Variants in PCDHGC5 observed in about 807,000 individuals in gnomAD.
PCDHGC5 encodes protocadherin gamma subfamily C, 5, also known as protocadherin gamma-C5.
A neutral mutation model predicts 59.0 loss-of-function variants in PCDHGC5; 25 were observed. The observed-to-expected ratio is 0.42, with a 90% CI of 0.31 to 0.59. The LOEUF (loss-of-function observed/expected upper bound fraction) is 0.59. Ranked by LOEUF, PCDHGC5 falls within the 20% of genes least tolerant of loss-of-function variation. The pLI is 0.13. For synonymous variants in PCDHGC5, 434 were observed against 505.5 expected, an observed-to-expected ratio of 0.86 and a Z score of 1.90; for missense variants, 1,067 against 1,206.4, an observed-to-expected ratio of 0.88 and a Z score of 1.71.
chr5:141,505,322 G>A, intron 2 of PCDHGC5, 71 bp from the exon 3 acceptor site: 1 of 1,606,332 alleles, frequency 6.2e-7, no homozygotes, highest in African/African-American at 1.3e-5. Context: ...TGGGAGCCCT[G>A]GGAGAGGACA....
intron 1 of PCDHGC5, 78 bp from the exon 2 acceptor site, chr5:141,494,729 C>CG: frequency 6.2e-7 from 1 of 1,610,168 alleles, no homozygotes; most frequent in South Asian, 1.1e-5. Context: ...CCTTCTCTCC[C>CG]GGCCCATCCC....
chr5:141,497,191 A>G (rs2099774633), intron 2 of PCDHGC5, among the ~76,000 whole-genome samples: 1 of 126,864 alleles, frequency 7.9e-6, no homozygotes, highest in Admixed American at 8.3e-5. Context: ...TGAGAGGCAG[A>G]GAACAATGTG....
intron 2 of PCDHGC5, among the ~76,000 whole-genome samples, chr5:141,496,468 C>T (rs1410143575): frequency 2.0e-5 from 3 of 152,126 alleles, no homozygotes; most frequent in Non-Finnish European, 4.4e-5. Context: ...AGTTATCTTT[C>T]CCCCATCCTG....
Position 141,496,980 on chromosome 5 carries a change from G to A in PCDHGC5, c.2519+2115G>A, listed in dbSNP as rs186715298. On this transcript the variant is annotated intron_variant, in intron 2 of 3. Coordinates refer to ENST00000252087, the MANE Select transcript of PCDHGC5 (RefSeq NM_018929.3). ...GTGGGTAGATCACTTGAGGTCAGGG[G>A]TTTGAGACCAGCCTGGCAGCCAACA... Among the ~76,000 whole-genome samples the A allele has an allele frequency of 1.6e-3, 236 of 152,074 alleles. 2 individuals are homozygous for A. Among genetic ancestry groups the A allele is most frequent in the South Asian group, 7.5e-3 (36 of 4,814 alleles).
intron 2 of PCDHGC5, among the ~76,000 whole-genome samples, chr5:141,498,394 A>G (rs1043900807): frequency 6.6e-6 from 1 of 152,096 alleles, no homozygotes; most frequent in Non-Finnish European, 1.5e-5. Flanking sequence ...AGGGAATGGC[A>G]GGGAGTTTTC....
Position 141,505,409 on chromosome 5 carries a change from G to T in PCDHGC5, c.2536G>T (p.Asp846Tyr). The change falls in exon 3 of 4, where the codon GAC (aspartate) becomes TAC (tyrosine). Residue 846 changes from aspartate to tyrosine, a missense_variant. Asp to Tyr is a radical substitution (Grantham distance 160). Transcript: ENST00000252087. ...PGTSGSQNGD[D>Y]TGTWPNNQFD... Reference sequence around the variant, plus strand: ...TCTCCCCAGCTCCCAAAATGGCGATGACACCGGCACCTGGCCCAACAACCA... The same window carrying T: ...TCTCCCCAGCTCCCAAAATGGCGATTACACCGGCACCTGGCCCAACAACCA... 6.2e-7 allele frequency: 1 copy of T among 1,614,200 alleles called. No individual in the cohort carries two copies. Among genetic ancestry groups the T allele is most frequent in the Non-Finnish European group, 8.5e-7 (1 of 1,180,048 alleles).
At chr5:141,502,880 T>TTTTTTTTTTG (rs2099816747) in intron 2 of PCDHGC5, among the ~76,000 whole-genome samples, 1 of 151,000 alleles carries the variant, frequency 6.6e-6, no homozygotes, top group African/African-American at 2.4e-5. Context: ...TTTTTTTTTT[T>TTTTTTTTTTG]GACAGGGAGT....
Position 141,510,363 on chromosome 5 carries a change from G to A in PCDHGC5, c.2609-584G>A, listed in dbSNP as rs973832487. Among the ~76,000 whole-genome samples the A allele has an allele frequency of 7.8e-5, 11 of 141,564 alleles. No individual in the cohort carries two copies. In the East Asian group the frequency reaches 1.6e-3, roughly 21 times the overall value. 92.9% of individuals were successfully genotyped at this position (141,564 alleles called of 152,430 possible). The stretch of plus-strand genomic sequence containing the variant: ...CCACACACTTACTAACGGAACTACC[G>A]AATCTCTACTCGTGCCAGGCCTTGC... On this transcript the variant is annotated intron_variant, in intron 3 of 3. Coordinates refer to ENST00000252087, the MANE Select transcript of PCDHGC5 (RefSeq NM_018929.3).
Position 141,501,335 on chromosome 5 carries a change from C to A in PCDHGC5, c.2520-4058C>A, listed in dbSNP as rs977626682. 1.5e-4 allele frequency among the ~76,000 whole-genome samples: 20 copies of A among 135,718 alleles called. No individual in the cohort carries two copies. In the East Asian group the frequency reaches 2.2e-3, roughly 15 times the overall value. The allele number at this position is 135,718 out of a possible 152,430, so 89.0% of individuals were successfully genotyped here. The stretch of plus-strand genomic sequence containing the variant: ...CACACACACACACACACACACACAC[C>A]CCAAACTCAATAGGGCAAGAACCAT... On this transcript the variant is annotated intron_variant, in intron 2 of 3. Transcript: ENST00000252087.
intron 2 of PCDHGC5, among the ~76,000 whole-genome samples, chr5:141,497,879 G>T (rs62379207): frequency 2.0e-5 from 3 of 152,128 alleles, no homozygotes; most frequent in Admixed American, 6.5e-5. Flanking sequence ...TGAAATAAGC[G>T]TTAGGATCTA....
At chr5:141,495,089 C>G (rs1440289878) in intron 2 of PCDHGC5, among the ~76,000 whole-genome samples, 2 of 152,284 alleles carry the variant, frequency 1.3e-5, no homozygotes, top group East Asian at 3.9e-4. Flanking sequence ...TGCCCCTTCC[C>G]TCCTCGCCAC....
intron 3 of PCDHGC5, 46 bp downstream of exon 3, chr5:141,505,527 T>C: frequency 6.2e-7 from 1 of 1,612,388 alleles, no homozygotes; most frequent in Non-Finnish European, 8.5e-7. Context: ...GACCTGGGGT[T>C]CTGGGGTGCA....
At position 141,489,947 on chromosome 5, in the gene PCDHGC5, A is replaced by G. The variant is rs368977481; in HGVS notation, c.707A>G (p.Asn236Ser). The G allele has an allele frequency of 5.4e-5, 87 of 1,614,090 alleles. No individual in the cohort carries two copies. Among genetic ancestry groups the G allele is most frequent in the South Asian group, 6.6e-5 (6 of 91,094 alleles). ...TLISVIVLDI[N>S]DNAPTFQSSV... is the part of the protein sequence containing the mutation. ...ATCTCTGTCATCGTGCTGGACATCA[A>G]TGATAATGCTCCAACCTTCCAATCC... Residue 236 changes from asparagine to serine, a missense_variant, in exon 1 of 4, where the codon AAT becomes AGT. Asn to Ser is a conservative substitution (Grantham distance 46). Transcript: ENST00000252087. This position sits in a 1 kb window ranked among gnomAD's most constrained non-coding sequence, Gnocchi z 4.5.
rs1364415249 is a variant in PCDHGC5 at position 141,489,240 on chromosome 5, C to A, written c.-1C>A. The stretch of plus-strand genomic sequence containing the variant: ...ACTCTCCACAAAGGGACTTCTGGGT[C>A]ATGGGGCCCAAGACACTCCCACAGC... On this transcript the variant is annotated 5_prime_UTR_variant, in exon 1 of 4. Coordinates refer to ENST00000252087, the MANE Select transcript of PCDHGC5 (RefSeq NM_018929.3). The surrounding 1 kb of genome is among the most constrained non-coding windows in gnomAD (Gnocchi z 4.5). 1 of 1,534,136 alleles carries A rather than the reference C, an allele frequency of 6.5e-7. No individual in the cohort carries two copies. Among genetic ancestry groups the A allele is most frequent in the South Asian group, 1.3e-5 (1 of 76,896 alleles).
In PCDHGC5 at chr5:141,511,342, C is replaced by G. The variant is rs2099883728; in HGVS notation, c.*169C>G. The stretch of plus-strand genomic sequence containing the variant: ...AACAAGTGCCCAGTCAGCACCTACC[C>G]CTTCCCCCCCAGGGGGTTGAATATG... On this transcript the variant is annotated 3_prime_UTR_variant, in exon 4 of 4. Coordinates refer to ENST00000252087, the MANE Select transcript of PCDHGC5 (RefSeq NM_018929.3). 1 of 1,424,960 alleles carries G rather than the reference C, an allele frequency of 7.0e-7. No homozygotes were observed. Among genetic ancestry groups the G allele is most frequent in the Admixed American group, 2.6e-5 (1 of 38,556 alleles). 88.3% of individuals were successfully genotyped at this position (1,424,960 alleles called of 1,614,324 possible).
rs909255357 is a variant in PCDHGC5 at position 141,489,178 on chromosome 5, C to A, written c.-63C>A. 5 of 1,234,744 alleles carry A rather than the reference C, an allele frequency of 4.0e-6. No individual in the cohort carries two copies. The highest frequency in any genetic ancestry group is 2.3e-5 in the Admixed American group (1 of 42,922). The allele number at this position is 1,234,744 out of a possible 1,614,324, so 76.5% of individuals were successfully genotyped here. Reference sequence around the variant, plus strand: ...GAGACTTCAGCTGCTGCATTCCAAGCCCTGGGTCTACCTTGGAGACAGGAC... The same window carrying A: ...GAGACTTCAGCTGCTGCATTCCAAGACCTGGGTCTACCTTGGAGACAGGAC... On this transcript the variant is annotated 5_prime_UTR_variant, in exon 1 of 4. Transcript: ENST00000252087. This position sits in a 1 kb window ranked among gnomAD's most constrained non-coding sequence, Gnocchi z 4.5.
At chr5:141,496,583 C>A (rs990137003) in intron 2 of PCDHGC5, among the ~76,000 whole-genome samples, 1 of 152,168 alleles carries the variant, frequency 6.6e-6, no homozygotes, top group African/African-American at 2.4e-5. Flanking sequence ...TTTAGGAACG[C>A]AAAGCGCTTC....
rs1364068033 is a variant in PCDHGC5 at position 141,490,353 on chromosome 5, G to A, written c.1113G>A (p.Leu371=). 3.1e-6 allele frequency: 5 copies of A among 1,614,090 alleles called. No individual in the cohort carries two copies. The highest frequency in any genetic ancestry group is 4.2e-6 in the Non-Finnish European group (5 of 1,180,046). The change falls in exon 1 of 4, where the codon TTG becomes TTA. Residue 371 remains leucine, a synonymous_variant. Transcript: ENST00000252087. This position sits in a 1 kb window ranked among gnomAD's most constrained non-coding sequence, Gnocchi z 5.4. ...ESTPVGTVVG[L]FNVRDRDSGR... ...CACCAGTGGGCACAGTAGTGGGGTT[G>A]TTTAATGTGCGAGACCGGGACTCAG...
Position 141,507,906 on chromosome 5 carries a change from G to A in PCDHGC5, c.2608+2425G>A, listed in dbSNP as rs2099864753. ...AGAGAGGTTCCTGAAGTCCAGCCCA[G>A]CCAGGCCTGTGGGGCTGCTGAGAGG... On this transcript the variant is annotated intron_variant, in intron 3 of 3. Coordinates refer to ENST00000252087, the MANE Select transcript of PCDHGC5 (RefSeq NM_018929.3). Among the ~76,000 whole-genome samples, 4 of 152,216 alleles carry A rather than the reference G, an allele frequency of 2.6e-5. No homozygotes were observed. The South Asian group carries it at 8.3e-4, about 32-fold the overall frequency.
Sources: gnomAD v4.1 joint callset for allele counts (sites outside exome capture counted in the v4.1 genomes callset) on GRCh38, gnomAD v4.1.1 for gene constraint, Gnocchi (gnomAD v3.1) non-coding constraint, MANE v1.5 for transcripts, NCBI Gene and HGNC (gene_info 2026-07-23, HGNC 2026-07-21) for gene names.